Variants in PTPRT observed in about 807,000 individuals in gnomAD.
The protein encoded by PTPRT is receptor-type tyrosine-protein phosphatase T.
PTPRT carries 56 observed loss-of-function variants against 176.8 expected under a neutral mutation model. The observed-to-expected ratio is 0.32, with a 90% confidence interval of 0.26 to 0.40. PTPRT has a LOEUF of 0.40. PTPRT is among the 10% of genes least tolerant of loss of function. The pLI is 1.00. For synonymous variants in PTPRT, 783 were observed against 739.0 expected (o/e 1.06, Z -0.96); for missense variants, 1,540 against 1,908.2 (o/e 0.81, Z 3.60).
chr20:42,145,529 G>A lies in PTPRT; in HGVS notation c.2683-3527C>T, dbSNP rs1381044807. 2.0e-5 allele frequency among the ~76,000 whole-genome samples: 3 copies of A among 151,180 alleles called. No homozygotes were observed. The Admixed American group carries it at 2.1e-4, about 10-fold the overall frequency. The stretch of plus-strand genomic sequence containing the variant: ...AGATAGATAGATAGATAGATAGATA[G>A]ATAGATAGATAGATAGATGGATGTT... On this transcript the variant is annotated intron_variant, in intron 17 of 30. Transcript: ENST00000373187.
chr20:42,627,086 G>A (rs1600496625), intron 7 of PTPRT, among the ~76,000 whole-genome samples: 1 of 152,154 alleles, frequency 6.6e-6, no homozygotes, highest in Non-Finnish European at 1.5e-5. Context: ...CAATGCCCGG[G>A]ATGACCGGGC....
chr20:42,945,195 G>C (rs962040092), intron 1 of PTPRT, among the ~76,000 whole-genome samples: 3 of 150,952 alleles, frequency 2.0e-5, no homozygotes, highest in African/African-American at 7.3e-5. Flanking sequence ...ACATATATAT[G>C]TATGTATGTA....
At position 42,677,922 on chromosome 20, in the gene PTPRT, C is replaced by T. The variant is rs2146064958; in HGVS notation, c.1097G>A (p.Gly366Asp). ...YEIRVLLTRPGEGGTGPPGPP... is the reference protein window; with the variant it reads ...YEIRVLLTRPDEGGTGPPGPP... ...CCCTGGCGGTCCCGTACCCCCCTCA[C>T]CTGGTCGTGTGAGGAGCACTCGGAT... The change falls in exon 7 of 31, where the codon GGT becomes GAT. Residue 366 changes from glycine to aspartate, a missense_variant. Physicochemically the swap from Gly to Asp is moderately conservative, Grantham distance 94. This residue lies in a region of PTPRT where 273 missense variants were observed against 432.1 expected (regional missense o/e 0.63). Coordinates refer to ENST00000373187, the MANE Select transcript of PTPRT (RefSeq NM_007050.6). The T allele has an allele frequency of 6.2e-7, 1 of 1,614,168 alleles. No homozygotes were observed. The highest frequency in any genetic ancestry group is 8.5e-7 in the Non-Finnish European group (1 of 1,180,034).
At chr20:42,885,232 T>A (rs2079083452) in intron 2 of PTPRT, among the ~76,000 whole-genome samples, 1 of 147,218 alleles carries the variant, frequency 6.8e-6, no homozygotes, top group African/African-American at 2.5e-5. Flanking sequence ...ATAAATTATA[T>A]AATATATATA....
chr20:42,693,401 G>A (rs2075821566), intron 6 of PTPRT, among the ~76,000 whole-genome samples: 1 of 152,042 alleles, frequency 6.6e-6, no homozygotes, highest in African/African-American at 2.4e-5. Context: ...AATATTCAAA[G>A]CAATATTTAA....
At chr20:42,978,839 G>C (rs1008798658) in intron 1 of PTPRT, among the ~76,000 whole-genome samples, 3 of 152,190 alleles carry the variant, frequency 2.0e-5, no homozygotes, top group African/African-American at 4.8e-5. Context: ...AAAGGGGAAG[G>C]CATTAATAAT....
At chr20:43,061,221 C>T (rs1000309954) in intron 1 of PTPRT, among the ~76,000 whole-genome samples, 10 of 152,136 alleles carry the variant, frequency 6.6e-5, no homozygotes, top group Non-Finnish European at 1.0e-4. Flanking sequence ...TAACTCCTTT[C>T]CGTCACTACT....
chr20:43,094,983 G>C (rs1228029935), intron 1 of PTPRT, among the ~76,000 whole-genome samples: 1 of 152,154 alleles, frequency 6.6e-6, no homozygotes, highest in Non-Finnish European at 1.5e-5. Flanking sequence ...AGGTGTTCAG[G>C]GGGAAAGGCA....
At chr20:42,963,705 G>A (rs527443453) in intron 1 of PTPRT, among the ~76,000 whole-genome samples, 1 of 152,102 alleles carries the variant, frequency 6.6e-6, no homozygotes, top group African/African-American at 2.4e-5. Context: ...GCTTATATAA[G>A]GGTAGGTCAA....
chr20:42,481,489 T>A (rs2071384051), intron 7 of PTPRT, among the ~76,000 whole-genome samples: 2 of 152,200 alleles, frequency 1.3e-5, no homozygotes, highest in South Asian at 4.1e-4. Flanking sequence ...ATTATGCTAG[T>A]CCACAGGCCC....
intron 1 of PTPRT, among the ~76,000 whole-genome samples, chr20:43,028,313 C>T (rs1985998554): frequency 6.6e-6 from 1 of 152,046 alleles, no homozygotes; most frequent in African/African-American, 2.4e-5. Flanking sequence ...TTGGAGTGTC[C>T]CTTTTGTCCT....
chr20:42,376,757 C>T (rs2145617890), intron 9 of PTPRT, among the ~76,000 whole-genome samples: 1 of 152,162 alleles, frequency 6.6e-6, no homozygotes, highest in African/African-American at 2.4e-5. Context: ...AGGAAAGATC[C>T]CCAGCCACAA....
intron 1 of PTPRT, among the ~76,000 whole-genome samples, chr20:43,116,226 T>C (rs2013053624): frequency 6.6e-6 from 1 of 151,936 alleles, no homozygotes; most frequent in Admixed American, 6.6e-5. Context: ...GAATCATGAG[T>C]CTCAAATGCC....
chr20:42,633,999 T>TA (rs1491312986), intron 7 of PTPRT, among the ~76,000 whole-genome samples: 11 of 26,858 alleles, frequency 4.1e-4, no homozygotes, highest in African/African-American at 2.4e-3. Flanking sequence ...ATTATATATA[T>TA]TATATATATA....
chr20:42,856,412 CAAAGATTTTTTTTT>C (rs1407353084), intron 2 of PTPRT, among the ~76,000 whole-genome samples: 3 of 151,974 alleles, frequency 2.0e-5, no homozygotes, highest in African/African-American at 7.3e-5. Context: ...GTTTCACACG[CAAAGATTTTTTTTT>C]AAAACTCACC....
At chr20:42,419,849 T>G (rs952447233) in intron 9 of PTPRT, among the ~76,000 whole-genome samples, 6 of 152,128 alleles carry the variant, frequency 3.9e-5, no homozygotes, top group Admixed American at 6.5e-5. Context: ...GGTGTCCTTA[T>G]AAAGAGCAGA....
In PTPRT at chr20:42,210,781, AT is replaced by A. The variant is rs552518522; in HGVS notation, c.2343-11394del. On this transcript the variant is annotated intron_variant, in intron 15 of 30. Coordinates refer to ENST00000373187, the MANE Select transcript of PTPRT (RefSeq NM_007050.6). ...AGTTACCAATGACTTTCTTCATAGA[AT>A]TGGAAAAAACTACTTTAAAATTCAT... Among the ~76,000 whole-genome samples, 23 of 152,324 alleles carry A rather than the reference AT, an allele frequency of 1.5e-4. No homozygotes were observed. The South Asian group carries it at 4.8e-3, about 32-fold the overall frequency.
chr20:42,980,915 G>A (rs1471514979), intron 1 of PTPRT, among the ~76,000 whole-genome samples: 2 of 152,200 alleles, frequency 1.3e-5, no homozygotes, highest in Admixed American at 1.3e-4. Flanking sequence ...GAGCATTGAA[G>A]GAGAGAGCGT....
intron 1 of PTPRT, among the ~76,000 whole-genome samples, chr20:43,104,386 T>C (rs545444861): frequency 7.2e-5 from 11 of 152,194 alleles, no homozygotes; most frequent in African/African-American, 2.7e-4. Flanking sequence ...TCTTGGGGTA[T>C]GTGTGATCCA....
Sources: allele counts gnomAD v4.1 joint callset (sites outside exome capture counted in the v4.1 genomes callset), GRCh38; gene constraint gnomAD v4.1.1; regional missense constraint gnomAD v4.1.1; transcripts MANE v1.5; gene names NCBI Gene and HGNC (gene_info 2026-07-23, HGNC 2026-07-21).